Variants in ERG observed in about 807,000 individuals in gnomAD.
ERG encodes the protein ETS transcription factor ERG.
Under a neutral mutation model 55.3 loss-of-function variants are expected in ERG, and 9 were observed. The ratio of observed to expected loss-of-function variants is 0.16; its 90% CI spans 0.10 to 0.28. The LOEUF is 0.28. Ranked by LOEUF, ERG falls within the 10% of genes least tolerant of loss-of-function variation. ERG has a pLI of 1.00. For missense variants in ERG, 434 were observed against 631.6 expected, an observed-to-expected ratio of 0.69 and a Z score of 3.35; for synonymous variants, 223 against 237.3, an observed-to-expected ratio of 0.94 and a Z score of 0.55.
At chr21:38,520,020 TAC>T (rs376769671) in intron 2 of ERG, among the ~76,000 whole-genome samples, 6 of 137,138 alleles carry the variant, frequency 4.4e-5, no homozygotes, top group Admixed American at 3.8e-4. Context: ...CACACACACA[TAC>T]ACACACACAC....
At chr21:38,538,208 T>C (rs1568894170) in intron 2 of ERG, among the ~76,000 whole-genome samples, 1 of 151,818 alleles carries the variant, frequency 6.6e-6, no homozygotes, top group Non-Finnish European at 1.5e-5. Flanking sequence ...TGGGTTGGAG[T>C]GTCAGTGTAA....
At chr21:38,451,985 A>T (rs560622481) in intron 1 of ERG, among the ~76,000 whole-genome samples, 8 of 152,368 alleles carry the variant, frequency 5.3e-5, no homozygotes, top group African/African-American at 1.9e-4. Flanking sequence ...AGGAAGTATT[A>T]ACATCGTATA....
At chr21:38,569,623 C>G (rs1289907041) in intron 2 of ERG, among the ~76,000 whole-genome samples, 1 of 152,134 alleles carries the variant, frequency 6.6e-6, no homozygotes, top group Non-Finnish European at 1.5e-5. Flanking sequence ...GAATAAGAAG[C>G]AAACACCTTT....
At chr21:38,472,561 G>T (rs777560625) in intron 1 of ERG, among the ~76,000 whole-genome samples, 4 of 152,142 alleles carry the variant, frequency 2.6e-5, no homozygotes, top group African/African-American at 9.7e-5. Flanking sequence ...AGAGTGGTGA[G>T]GCTCCCACGT....
intron 1 of ERG, among the ~76,000 whole-genome samples, chr21:38,477,531 C>T (rs1297061933): frequency 6.6e-6 from 1 of 152,036 alleles, no homozygotes; most frequent in Non-Finnish European, 1.5e-5. Flanking sequence ...ATGTGAAATA[C>T]CGAGTGGTTA....
intron 1 of ERG, among the ~76,000 whole-genome samples, chr21:38,466,300 G>GGTATGTGTGT (rs1555903686): frequency 7.1e-6 from 1 of 140,604 alleles, no homozygotes; most frequent in Non-Finnish European, 1.5e-5. Flanking sequence ...GATGGTCTGG[G>GGTATGTGTGT]GTGTGTGTGT....
intron 2 of ERG, among the ~76,000 whole-genome samples, chr21:38,548,579 C>T (rs1290132508): frequency 1.4e-5 from 2 of 147,472 alleles, no homozygotes; most frequent in East Asian, 2.0e-4. Flanking sequence ...TCCCAAGTAG[C>T]TGGGACTAGA....
intron 1 of ERG, among the ~76,000 whole-genome samples, chr21:38,464,163 TTAC>T (rs772001707): frequency 6.6e-6 from 1 of 152,228 alleles, no homozygotes; most frequent in Non-Finnish European, 1.5e-5. Context: ...TGTTAATATG[TTAC>T]TATTGGATTC....
At chr21:38,374,602 C>T in the ERG span, among the ~76,000 whole-genome samples, 1 of 152,178 alleles carries the variant, frequency 6.6e-6, no homozygotes, top group Admixed American at 6.5e-5. Flanking sequence ...TATGCAAACT[C>T]TCAGGCCTTC....
intron 1 of ERG, among the ~76,000 whole-genome samples, chr21:38,476,181 G>A (rs2059184991): frequency 6.6e-6 from 1 of 152,122 alleles, no homozygotes; most frequent in Non-Finnish European, 1.5e-5. Flanking sequence ...CGCTGCTTAG[G>A]TGTAGTCCTT....
chr21:38,607,161 C>A (rs1485124807), intron 1 of ERG, among the ~76,000 whole-genome samples: 1 of 152,160 alleles, frequency 6.6e-6, no homozygotes, highest in African/African-American at 2.4e-5. Context: ...TGGAAAATAA[C>A]TGGCAACCTA....
At chr21:38,631,212 T>C (rs1355096286) in intron 1 of ERG, among the ~76,000 whole-genome samples, 1 of 152,184 alleles carries the variant, frequency 6.6e-6, no homozygotes, top group Admixed American at 6.5e-5. Context: ...GAAAAAAGAT[T>C]TGGCACCTTC....
chr21:38,529,438 A>G (rs1478241990), intron 2 of ERG, among the ~76,000 whole-genome samples: 1 of 152,122 alleles, frequency 6.6e-6, no homozygotes, highest in African/African-American at 2.4e-5. Context: ...GCTATGAGGG[A>G]AAGAGGATTA....
chr21:38,483,239 G>A (rs11909285), intron 1 of ERG, among the ~76,000 whole-genome samples: 5,137 of 152,154 alleles, frequency 0.034, 187 homozygotes, highest in East Asian at 0.13. Flanking sequence ...TAATAATACC[G>A]TGCTGTGCTG....
At chr21:38,543,363 T>TAAAA (rs772766504) in intron 2 of ERG, among the ~76,000 whole-genome samples, 128 of 64,826 alleles carry the variant, frequency 2.0e-3, no homozygotes, top group Admixed American at 5.0e-3. Flanking sequence ...GTGTTTTTTT[T>TAAAA]TAAAAAAAAA....
At chr21:38,369,833 A>G in the ERG span, among the ~76,000 whole-genome samples, 4 of 152,212 alleles carry the variant, frequency 2.6e-5, no homozygotes, top group East Asian at 1.9e-4. Flanking sequence ...AATATTCTGC[A>G]TATGACTTAC....
chr21:38,532,554 G>A (rs941708637), intron 2 of ERG, among the ~76,000 whole-genome samples: 2 of 152,152 alleles, frequency 1.3e-5, no homozygotes, highest in Non-Finnish European at 2.9e-5. Flanking sequence ...GTGAAAGGCT[G>A]GTGTGTCAGA....
In ERG at chr21:38,457,211, C is replaced by T. The variant is rs552172285; in HGVS notation, c.19-11590G>A. On this transcript the variant is annotated intron_variant, in intron 1 of 9. Transcript: ENST00000288319. ...CAGCACTTTGGGAGGTGGAGGCAGG[C>T]AGACCACGAGGTCAGGAGATGGAAA... Among the ~76,000 whole-genome samples, 4 of 152,240 alleles carry T rather than the reference C, an allele frequency of 2.6e-5. No individual in the cohort carries two copies. In the East Asian group the frequency reaches 7.7e-4, roughly 29 times the overall value.
chr21:38,501,512 A>G (rs1180795036), upstream of ERG, among the ~76,000 whole-genome samples: 3 of 152,030 alleles, frequency 2.0e-5, no homozygotes. Flanking sequence ...CCTCATCCCT[A>G]CACCACCCAG....
Sources: allele counts gnomAD v4.1 joint callset (sites outside exome capture counted in the v4.1 genomes callset), GRCh38; gene constraint gnomAD v4.1.1; transcripts MANE v1.5; gene names NCBI Gene and HGNC (gene_info 2026-07-23, HGNC 2026-07-21).